GABRB1: variants seen among roughly 807,000 people sequenced by gnomAD.
The protein encoded by GABRB1 is gamma-aminobutyric acid type A receptor subunit beta1.
A neutral mutation model predicts 51.6 loss-of-function variants in GABRB1; 17 were observed. The observed-to-expected ratio is 0.33, with a 90% CI of 0.23 to 0.49. GABRB1 has a LOEUF of 0.49. Ranked by LOEUF, GABRB1 falls within the 20% of genes least tolerant of loss-of-function variation. GABRB1 has a pLI of 0.99. For missense variants in GABRB1, 410 were observed against 600.6 expected (o/e 0.68, Z 3.32); for synonymous variants, 247 against 218.9 (o/e 1.13, Z -1.14).
Position 47,406,760 on chromosome 4 carries a change from C to A in GABRB1, c.914C>A (p.Ala305Glu). 1 of 1,614,118 alleles carries A rather than the reference C, an allele frequency of 6.2e-7. No homozygotes were observed. Among genetic ancestry groups the A allele is most frequent in the Non-Finnish European group, 8.5e-7 (1 of 1,180,016 alleles). Residue 305 changes from alanine to glutamate, a missense_variant, in exon 8 of 9, where the codon GCG becomes GAG. By Grantham distance (107) the Ala-to-Glu change is moderately radical. This residue lies in a region of GABRB1 where 37 missense variants were observed against 126.3 expected (regional missense o/e 0.29). Transcript: ENST00000295454. ...CTGCCAAAGATCCCTTATGTCAAAG[C>A]GATTGATATTTATCTGATGGGTTGC... ...ETLPKIPYVK[A>E]IDIYLMGCFV...
At chr4:47,299,346 A>C (rs561939843) in intron 4 of GABRB1, among the ~76,000 whole-genome samples, 26 of 152,226 alleles carry the variant, frequency 1.7e-4, no homozygotes, top group South Asian at 8.3e-4. Flanking sequence ...CTCATCTGAC[A>C]AAGGGCTAAT....
chr4:47,414,237 G>T (rs1342999842), intron 8 of GABRB1, among the ~76,000 whole-genome samples: 1 of 152,190 alleles, frequency 6.6e-6, no homozygotes, highest in Admixed American at 6.5e-5. Context: ...TTGAGGATGA[G>T]TGCCTATGAC....
chr4:47,040,523 T>C (rs1725793963), intron 3 of GABRB1, among the ~76,000 whole-genome samples: 1 of 152,118 alleles, frequency 6.6e-6, no homozygotes, highest in South Asian at 2.1e-4. Context: ...CGGGGCTGCA[T>C]GTGCCTAGGG....
At chr4:47,038,347 G>A (rs1725687350) in intron 3 of GABRB1, among the ~76,000 whole-genome samples, 1 of 152,142 alleles carries the variant, frequency 6.6e-6, no homozygotes, top group Non-Finnish European at 1.5e-5. Context: ...CACAAAGACA[G>A]CAACAAGAAG....
chr4:47,275,987 A>G (rs937628058), intron 4 of GABRB1, among the ~76,000 whole-genome samples: 1 of 152,166 alleles, frequency 6.6e-6, no homozygotes, highest in Non-Finnish European at 1.5e-5. Flanking sequence ...ACTGATTACC[A>G]TATGCATGAA....
intron 4 of GABRB1, among the ~76,000 whole-genome samples, chr4:47,276,248 G>A (rs1388080522): frequency 6.6e-6 from 1 of 152,184 alleles, no homozygotes; most frequent in East Asian, 1.9e-4. Flanking sequence ...GTCATTAAAT[G>A]TTAAGGAATA....
intron 5 of GABRB1, among the ~76,000 whole-genome samples, chr4:47,352,868 A>G (rs1402599418): frequency 2.0e-5 from 3 of 152,330 alleles, no homozygotes; most frequent in Non-Finnish European, 4.4e-5. Context: ...GCATGTTTCT[A>G]GATCCATTTT....
chr4:47,154,254 G>C (rs1324945128), intron 3 of GABRB1, among the ~76,000 whole-genome samples: 1 of 49,280 alleles, frequency 2.0e-5, no homozygotes, highest in African/African-American at 9.3e-5. Flanking sequence ...ACAAATTATG[G>C]TTGTTTTTTT....
intron 4 of GABRB1, among the ~76,000 whole-genome samples, chr4:47,307,080 T>G (rs1438217993): frequency 2.0e-5 from 3 of 152,140 alleles, no homozygotes; most frequent in African/African-American, 7.2e-5. Context: ...GTATGACTCC[T>G]AATTTTCCCA....
intron 5 of GABRB1, among the ~76,000 whole-genome samples, chr4:47,345,643 T>C (rs1365006352): frequency 1.3e-5 from 2 of 152,134 alleles, no homozygotes; most frequent in Non-Finnish European, 2.9e-5. Flanking sequence ...GAAATGTAGG[T>C]ATAAGTTGAG....
intron 5 of GABRB1, among the ~76,000 whole-genome samples, chr4:47,360,034 C>T (rs953292985): frequency 4.0e-5 from 6 of 151,522 alleles, no homozygotes; most frequent in African/African-American, 1.5e-4. Flanking sequence ...AACATGAGAG[C>T]GGGGAGGATC....
At chr4:47,297,040 A>G (rs1724028421) in intron 4 of GABRB1, among the ~76,000 whole-genome samples, 1 of 152,186 alleles carries the variant, frequency 6.6e-6, no homozygotes. Context: ...AGGCAGAAAT[A>G]AAGATGTTCT....
intron 5 of GABRB1, among the ~76,000 whole-genome samples, chr4:47,382,908 T>A (rs527996687): frequency 2.6e-5 from 4 of 152,210 alleles, no homozygotes; most frequent in Admixed American, 2.0e-4. Context: ...GCAAAACCAA[T>A]AATAATCGAA....
chr4:47,295,980 A>G (rs1723975884), intron 4 of GABRB1, among the ~76,000 whole-genome samples: 1 of 152,158 alleles, frequency 6.6e-6, no homozygotes, highest in South Asian at 2.1e-4. Context: ...AAGAATTTTC[A>G]ACCCAGAATT....
Position 47,017,280 on chromosome 4 carries a change from A to G in GABRB1, c.-19-14634A>G, listed in dbSNP as rs528874902. On this transcript the variant is annotated intron_variant, in intron 1 of 3. Transcript: ENST00000513567. Reference sequence around the variant, plus strand: ...CTTGGGATCATGATTTTGATATGACACAACTGTCAGGGAAAAGTATTATGA... The same window carrying G: ...CTTGGGATCATGATTTTGATATGACGCAACTGTCAGGGAAAAGTATTATGA... Among the ~76,000 whole-genome samples the G allele has an allele frequency of 6.9e-4, 105 of 152,334 alleles. 1 individual carries two copies. Among genetic ancestry groups the G allele is most frequent in the Non-Finnish European group, 1.4e-3 (94 of 68,030 alleles).
intron 4 of GABRB1, among the ~76,000 whole-genome samples, chr4:47,172,348 G>A (rs536662574): frequency 6.6e-5 from 10 of 152,222 alleles, no homozygotes; most frequent in Admixed American, 2.0e-4. Context: ...ATATTGCTTT[G>A]TTACACCTAA....
intron 1 of GABRB1, among the ~76,000 whole-genome samples, chr4:47,013,139 C>CTG (rs59902564): frequency 0.61 from 90,529 of 148,860 alleles, 27,402 homozygotes; most frequent in Middle Eastern, 0.71. Flanking sequence ...AAATTGCATT[C>CTG]TGTGTGTGTG....
chr4:47,031,877 G>T (rs756392686), intron 1 of GABRB1, 37 bp from the exon 2 acceptor site: 85 of 1,581,122 alleles, frequency 5.4e-5, no homozygotes, highest in Non-Finnish European at 7.0e-5. Context: ...CACAGTTTGT[G>T]CTCATTTTGA....
intron 4 of GABRB1, among the ~76,000 whole-genome samples, chr4:47,263,049 G>A (rs1044657440): frequency 2.6e-5 from 3 of 115,874 alleles, no homozygotes; most frequent in Non-Finnish European, 5.2e-5. Context: ...GTTGTGGGGT[G>A]GGGGGAGGGG....
Sources: allele counts gnomAD v4.1 joint callset (sites outside exome capture counted in the v4.1 genomes callset), GRCh38; gene constraint gnomAD v4.1.1; regional missense constraint gnomAD v4.1.1; transcripts MANE v1.5; gene names NCBI Gene and HGNC (gene_info 2026-07-23, HGNC 2026-07-21).